KDSR: variants seen among roughly 807,000 people sequenced by gnomAD.
KDSR encodes 3-dehydrosphinganine reductase.
A neutral mutation model predicts 41.3 loss-of-function variants in KDSR; 23 were observed. The observed-to-expected ratio is 0.56, with a 90% CI of 0.40 to 0.79. KDSR has a LOEUF of 0.79. Among genes scored for constraint, KDSR ranks in the 30% least tolerant of loss-of-function variants. The probability of loss-of-function intolerance (pLI) is 0.00; values close to 1 mark genes in which losing one functional copy is unlikely to be tolerated. For synonymous variants in KDSR, 138 were observed against 151.7 expected, an observed-to-expected ratio of 0.91 and a Z score of 0.66; for missense variants, 351 against 416.8, an observed-to-expected ratio of 0.84 and a Z score of 1.37.
chr18:63,347,071 C>T (rs1471470639), intron 6 of KDSR, among the ~76,000 whole-genome samples: 2 of 152,070 alleles, frequency 1.3e-5, no homozygotes, highest in African/African-American at 4.8e-5. Flanking sequence ...CCCTGCTGCC[C>T]GGCCACTGCT....
chr18:63,327,839 A>G lies in KDSR; in HGVS notation c.*3943T>C. ...CAAAAGCTTCTAAAGTAGCAAACAC[A>G]ACTTTGTGTATCAAAATAGCCATGT... On this transcript the variant is annotated 3_prime_UTR_variant, in exon 10 of 10. Transcript: ENST00000645214. 5.1e-6 allele frequency: 1 copy of G among 195,378 alleles called. No homozygotes were observed. The highest frequency in any genetic ancestry group is 2.3e-5 in the African/African-American group (1 of 43,340). 12.1% of individuals were successfully genotyped at this position (195,378 alleles called of 1,614,324 possible).
chr18:63,335,414 C>A, intron 8 of KDSR, 56 bp from the exon 9 acceptor site: 1 of 1,165,492 alleles, frequency 8.6e-7, no homozygotes, highest in South Asian at 1.2e-5. Context: ...GGACAGAAAT[C>A]AGTCGGACAC....
chr18:63,367,120 G>A lies in KDSR; in HGVS notation c.-2C>T. ...GAAGGCGGCAGCCAGCAGCAGCATCGCTCCGCGGGGCCAGGGGCCCGGAGC... is the reference window on the plus strand; with the variant it reads ...GAAGGCGGCAGCCAGCAGCAGCATCACTCCGCGGGGCCAGGGGCCCGGAGC... On this transcript the variant is annotated 5_prime_UTR_variant, in exon 1 of 10. Coordinates refer to ENST00000645214, the MANE Select transcript of KDSR (RefSeq NM_002035.4). The A allele has an allele frequency of 7.6e-7, 1 of 1,319,916 alleles. No individual in the cohort carries two copies. The highest frequency in any genetic ancestry group is 3.2e-5 in the South Asian group (1 of 31,556). The allele number at this position is 1,319,916 out of a possible 1,614,324, so 81.8% of individuals were successfully genotyped here.
At chr18:63,347,730 T>A (rs529145207) in intron 6 of KDSR, among the ~76,000 whole-genome samples, 1 of 151,626 alleles carries the variant, frequency 6.6e-6, no homozygotes, top group African/African-American at 2.4e-5. Flanking sequence ...CATCAGTTTG[T>A]TTTTTTTGGG....
rs1913935098 is a variant in KDSR at position 63,330,159 on chromosome 18, A to G, written c.*1623T>C. On this transcript the variant is annotated 3_prime_UTR_variant, in exon 10 of 10. Transcript: ENST00000645214. ...TAAGTCATTTAAAGTCAAGAGCTTC[A>G]AAAACTCAAGAGCAAAAAAAAGGTA... 1 of 195,004 alleles carries G rather than the reference A, an allele frequency of 5.1e-6. No individual in the cohort carries two copies. The highest frequency in any genetic ancestry group is 1.1e-5 in the Non-Finnish European group (1 of 93,758). The allele number at this position is 195,004 out of a possible 1,614,324, so 12.1% of individuals were successfully genotyped here. A position where few individuals can be genotyped will look rare whatever the true frequency, so the allele number is the denominator to read the frequency against.
At chr18:63,346,784 G>A (rs932216826) in intron 6 of KDSR, among the ~76,000 whole-genome samples, 1 of 152,074 alleles carries the variant, frequency 6.6e-6, no homozygotes, top group African/African-American at 2.4e-5. Context: ...ATGCAACAAC[G>A]AGCACTTACT....
intron 8 of KDSR, among the ~76,000 whole-genome samples, chr18:63,337,113 A>AATAT (rs139383635): frequency 0.042 from 5,353 of 127,606 alleles, 508 homozygotes; most frequent in African/African-American, 0.12. Flanking sequence ...TATATATGTG[A>AATAT]ATATATATAT....
chr18:63,359,024 C>G (rs1914885383), intron 3 of KDSR, among the ~76,000 whole-genome samples: 1 of 149,338 alleles, frequency 6.7e-6, no homozygotes, highest in African/African-American at 2.5e-5. Flanking sequence ...ACCAAAAATA[C>G]AAAAATTAGC....
chr18:63,349,722 T>C (rs1914610431), intron 6 of KDSR, among the ~76,000 whole-genome samples: 1 of 152,246 alleles, frequency 6.6e-6, no homozygotes, highest in South Asian at 2.1e-4. Context: ...CAAGGTCTCT[T>C]ATGGGGTCTT....
Position 63,357,084 on chromosome 18 carries a change from A to G in KDSR, c.256-1521T>C, listed in dbSNP as rs116458157. On this transcript the variant is annotated intron_variant, in intron 3 of 9. Transcript: ENST00000645214. ...TTTAAGGCAAATTTACTTAATGCAC[A>G]TGGAAAGATCTCTAACATTCTAGAA... Among the ~76,000 whole-genome samples the G allele has an allele frequency of 8.0e-3, 1,219 of 152,352 alleles. 15 individuals are homozygous for G. Among genetic ancestry groups the G allele is most frequent in the African/African-American group, 0.028 (1,164 of 41,580 alleles).
At chr18:63,349,607 A>G (rs1914607047) in intron 6 of KDSR, among the ~76,000 whole-genome samples, 1 of 152,240 alleles carries the variant, frequency 6.6e-6, no homozygotes, top group Non-Finnish European at 1.5e-5. Context: ...GGCATGATCT[A>G]TCAGTCCCTA....
intron 5 of KDSR, among the ~76,000 whole-genome samples, chr18:63,351,605 CA>C (rs963251202): frequency 2.0e-5 from 3 of 152,148 alleles, no homozygotes; most frequent in Non-Finnish European, 4.4e-5. Context: ...ACAAGGTCAA[CA>C]AGGGTATGAC....
intron 8 of KDSR, among the ~76,000 whole-genome samples, chr18:63,337,142 T>G (rs1847942136): frequency 8.7e-6 from 1 of 115,076 alleles, no homozygotes; most frequent in African/African-American, 3.8e-5. Context: ...ATATATGGAG[T>G]TTTGCTCTTG....
intron 6 of KDSR, 142 bp from the exon 7 acceptor site, chr18:63,344,635 T>C (rs1472694586): frequency 1.8e-6 from 1 of 566,124 alleles, no homozygotes; most frequent in African/African-American, 1.9e-5. Flanking sequence ...CTACACCAAT[T>C]GCATTGAGAA....
intron 1 of KDSR, chr18:63,365,986 G>A (rs1017317850): frequency 6.6e-6 from 1 of 152,200 alleles, no homozygotes; most frequent in African/African-American, 2.4e-5. Flanking sequence ...CCAGCTCAGC[G>A]GGGAGGCTCG....
intron 8 of KDSR, 144 bp from the exon 9 acceptor site, chr18:63,335,502 G>T: frequency 1.6e-6 from 1 of 622,882 alleles, no homozygotes; most frequent in South Asian, 1.9e-5. Context: ...ACTCAGAAAT[G>T]GACGCACGGC....
At chr18:63,343,301 C>A (rs1370608668) in intron 7 of KDSR, among the ~76,000 whole-genome samples, 1 of 152,032 alleles carries the variant, frequency 6.6e-6, no homozygotes, top group African/African-American at 2.4e-5. Context: ...CTCAATCAAT[C>A]CTCCTGCCAT....
rs767237100 is a variant in KDSR, at chr18:63,330,000, A to G, written c.*1782T>C. ...GCATCAACCCATCCTTACAAGCTGC[A>G]ATGAAATCATTCCAAGCAATTTATA... On this transcript the variant is annotated 3_prime_UTR_variant, in exon 10 of 10. Transcript: ENST00000645214. 3 of 188,012 alleles carry G rather than the reference A, an allele frequency of 1.6e-5. No individual in the cohort carries two copies. Among genetic ancestry groups the G allele is most frequent in the African/African-American group, 2.3e-5 (1 of 42,800 alleles). 11.6% of individuals were successfully genotyped at this position (188,012 alleles called of 1,614,324 possible).
In KDSR at chr18:63,351,064, T is replaced by C; in HGVS notation, c.433A>G (p.Asn145Asp). Residue 145 changes from asparagine to aspartate, a missense_variant, in exon 6 of 10, where the codon AAT (asparagine) becomes GAT (aspartate). Coordinates refer to ENST00000645214, the MANE Select transcript of KDSR (RefSeq NM_002035.4). ...VSTFERLMSINYLGSVYPSRA... is the reference protein window; with the variant it reads ...VSTFERLMSIDYLGSVYPSRA... ...CTGGGGTACACGCTGCCCAGGTAAT[T>C]GATGCTCATTAACCTCTGCAGGGAA... 6.2e-7 allele frequency: 1 copy of C among 1,613,696 alleles called. No homozygotes were observed.
Sources: allele counts gnomAD v4.1 joint callset (sites outside exome capture counted in the v4.1 genomes callset), GRCh38; gene constraint gnomAD v4.1.1; transcripts MANE v1.5; gene names NCBI Gene and HGNC (gene_info 2026-07-23, HGNC 2026-07-21).